Variants in CDKN2B-AS1 observed in about 807,000 individuals in gnomAD.
The protein encoded by CDKN2B-AS1 is CDKN2B antisense RNA 1 (non-protein coding).
chr9:22,073,945 C>A (rs952373308), intron 4 of CDKN2B-AS1, among the ~76,000 whole-genome samples: 7 of 151,766 alleles, frequency 4.6e-5, no homozygotes, highest in Non-Finnish European at 7.4e-5. Flanking sequence ...CTTACTGCAA[C>A]CTCTGGCTCC....
intron 1 of CDKN2B-AS1, among the ~76,000 whole-genome samples, chr9:22,024,266 G>T (rs1206038035): frequency 1.3e-5 from 2 of 152,058 alleles, no homozygotes; most frequent in Admixed American, 6.6e-5. Context: ...ACTTGTATTG[G>T]GCCCCAACTT....
chr9:22,096,713 C>T (rs1825288477), intron 4 of CDKN2B-AS1, among the ~76,000 whole-genome samples: 1 of 152,164 alleles, frequency 6.6e-6, no homozygotes, highest in Non-Finnish European at 1.5e-5. Flanking sequence ...CATTCCATCT[C>T]CAATCACACG....
chr9:22,022,651 G>A (rs1375458958), intron 1 of CDKN2B-AS1, among the ~76,000 whole-genome samples: 1 of 151,906 alleles, frequency 6.6e-6, no homozygotes, highest in Non-Finnish European at 1.5e-5. Flanking sequence ...TACATTTAAG[G>A]TTATGATCCT....
intron 4 of CDKN2B-AS1, among the ~76,000 whole-genome samples, chr9:22,099,800 A>T (rs895335405): frequency 6.6e-6 from 1 of 152,190 alleles, no homozygotes; most frequent in Non-Finnish European, 1.5e-5. Context: ...TGTGGAAAAA[A>T]GGTGTGCATG....
chr9:22,053,799 T>A (rs1297737952), intron 3 of CDKN2B-AS1, among the ~76,000 whole-genome samples: 1 of 152,184 alleles, frequency 6.6e-6, no homozygotes, highest in African/African-American at 2.4e-5. Context: ...ATTGCTGTAT[T>A]TTATTCCTTA....
chr9:22,099,980 T>A (rs1825428602), intron 4 of CDKN2B-AS1, among the ~76,000 whole-genome samples: 1 of 152,156 alleles, frequency 6.6e-6, no homozygotes, highest in Non-Finnish European at 1.5e-5. Flanking sequence ...GTACATTTGA[T>A]AGTTTGAACT....
At position 22,103,838 on chromosome 9, in the gene CDKN2B-AS1, T is replaced by C. The variant is rs80214358; in HGVS notation, n.439-23265T>C. 5.3e-5 allele frequency among the ~76,000 whole-genome samples: 8 copies of C among 152,308 alleles called. No homozygotes were observed. In the East Asian group the frequency reaches 1.2e-3, roughly 22 times the overall value. ...CAGGCACATTGGGGTTTTCTGGCTA[T>C]TGAAATAAAAATGTCCTTACATAAC... On this transcript the variant is annotated intron_variant and non_coding_transcript_variant, in intron 4 of 4. Coordinates refer to ENST00000650946, the Ensembl canonical transcript of CDKN2B-AS1.
chr9:22,108,382 G>T (rs1238609540), intron 4 of CDKN2B-AS1, among the ~76,000 whole-genome samples: 1 of 152,174 alleles, frequency 6.6e-6, no homozygotes, highest in Non-Finnish European at 1.5e-5. Flanking sequence ...ACATTGCTTG[G>T]TCATTCAATA....
At chr9:22,057,932 A>G (rs1180950113) in intron 4 of CDKN2B-AS1, among the ~76,000 whole-genome samples, 1 of 152,014 alleles carries the variant, frequency 6.6e-6, no homozygotes, top group African/African-American at 2.4e-5. Context: ...CCTTGCCAAC[A>G]TGGTGAAACC....
intron 4 of CDKN2B-AS1, among the ~76,000 whole-genome samples, chr9:22,113,187 A>T (rs529190002): frequency 6.6e-6 from 1 of 152,170 alleles, no homozygotes; most frequent in South Asian, 2.1e-4. Context: ...CAAAGTATCA[A>T]TGGGAGCTGC....
At chr9:22,105,254 A>G (rs1212480597) in intron 4 of CDKN2B-AS1, among the ~76,000 whole-genome samples, 1 of 152,212 alleles carries the variant, frequency 6.6e-6, no homozygotes, top group East Asian at 1.9e-4. Context: ...AGCGGAAATG[A>G]AAGTGATTAG....
chr9:22,011,677 A>T (rs1271228806), intron 1 of CDKN2B-AS1, among the ~76,000 whole-genome samples: 1 of 152,246 alleles, frequency 6.6e-6, no homozygotes, highest in African/African-American at 2.4e-5. Flanking sequence ...CTCACCTCAC[A>T]GCACACCCTT....
At chr9:22,004,373 A>C (rs569207453) in intron 1 of CDKN2B-AS1, 32 of 232,194 alleles carry the variant, frequency 1.4e-4, no homozygotes, top group African/African-American at 6.6e-4. Flanking sequence ...TAGAAGCATA[A>C]TACATGTATA....
At chr9:22,126,733 C>T (rs1308005756) in intron 4 of CDKN2B-AS1, among the ~76,000 whole-genome samples, 2 of 151,966 alleles carry the variant, frequency 1.3e-5, no homozygotes, top group Non-Finnish European at 2.9e-5. Context: ...CCACTGCACC[C>T]GGCTAATTTT....
chr9:22,103,131 A>G (rs1028861530), intron 4 of CDKN2B-AS1, among the ~76,000 whole-genome samples: 10 of 132,412 alleles, frequency 7.6e-5, no homozygotes, highest in African/African-American at 1.7e-4. Flanking sequence ...TCTAGAACAG[A>G]TGTGTGTGTG....
chr9:22,111,302 A>G (rs575109460), intron 4 of CDKN2B-AS1, among the ~76,000 whole-genome samples: 1 of 152,240 alleles, frequency 6.6e-6, no homozygotes, highest in South Asian at 2.1e-4. Context: ...GCAGTCTGTT[A>G]CCATAGTTTT....
At chr9:22,098,318 A>T (rs1226209251) in intron 4 of CDKN2B-AS1, among the ~76,000 whole-genome samples, 2 of 151,678 alleles carry the variant, frequency 1.3e-5, no homozygotes, top group Non-Finnish European at 2.9e-5. Context: ...AGGGGACTAT[A>T]ATATATCTTT....
At position 22,023,897 on chromosome 9, in the gene CDKN2B-AS1, G is replaced by A. The variant is rs534455781; in HGVS notation, n.30-22854G>A. ...TTACAACATACTCCTATAACTCTGC[G>A]AACTTCATTCCTATCCATATTCTGA... On this transcript the variant is annotated intron_variant and non_coding_transcript_variant, in intron 1 of 4. Coordinates refer to ENST00000650946, the Ensembl canonical transcript of CDKN2B-AS1. Among the ~76,000 whole-genome samples, 251 of 152,170 alleles carry A rather than the reference G, an allele frequency of 1.6e-3. 4 individuals are homozygous for A. Among genetic ancestry groups the A allele is most frequent in the African/African-American group, 5.6e-3 (231 of 41,512 alleles).
intron 4 of CDKN2B-AS1, among the ~76,000 whole-genome samples, chr9:22,057,497 A>T (rs1438273099): frequency 6.6e-6 from 1 of 152,180 alleles, no homozygotes; most frequent in East Asian, 1.9e-4. Context: ...GAAGACATAA[A>T]GATATAGTTG....
Sources: allele counts gnomAD v4.1 joint callset (sites outside exome capture counted in the v4.1 genomes callset), GRCh38; gene constraint gnomAD v4.1.1; transcripts MANE v1.5; gene names NCBI Gene and HGNC (gene_info 2026-07-23, HGNC 2026-07-21).